The following LEPR variants were observed in gnomAD, a reference collection of about 807,000 sequenced individuals.
LEPR encodes the protein OB receptor.
LEPR carries 56 observed loss-of-function variants against 114.7 expected under a neutral mutation model. That is an observed-to-expected ratio of 0.49 (90% CI 0.39 to 0.61). The LOEUF (loss-of-function observed/expected upper bound fraction) is 0.61, where lower values mean the gene tolerates loss of function less well. Among genes scored for constraint, LEPR ranks in the 20% least tolerant of loss-of-function variants. The probability of loss-of-function intolerance (pLI) is 0.00; values close to 1 mark genes in which losing one functional copy is unlikely to be tolerated. For missense variants in LEPR, 1,202 were observed against 1,352.9 expected (o/e 0.89, Z 1.75); for synonymous variants, 443 against 461.4 (o/e 0.96, Z 0.51).
At chr1:65,428,558 C>T (rs1646424360) in intron 2 of LEPR, among the ~76,000 whole-genome samples, 1 of 152,154 alleles carries the variant, frequency 6.6e-6, no homozygotes, top group Non-Finnish European at 1.5e-5. Flanking sequence ...TTGAAGGACA[C>T]ATTCCCTTCT....
chr1:65,439,855 C>T (rs1401721171), intron 2 of LEPR, among the ~76,000 whole-genome samples: 2 of 136,090 alleles, frequency 1.5e-5, no homozygotes, highest in African/African-American at 2.8e-5. Flanking sequence ...AAAAGCTGGG[C>T]GCAGTGGCGT....
rs981585388 is a variant in LEPR at position 65,639,708 on chromosome 1, A to C, written c.*2693A>C. On this transcript the variant is annotated 3_prime_UTR_variant, in exon 20 of 20. Transcript: ENST00000349533. ...TAAACCGAAACACAAGCTACTAATC[A>C]GTCTTTCTAAATCTGACCTTCATTG... 1.3e-5 allele frequency: 2 copies of C among 152,204 alleles called. No individual in the cohort carries two copies. The highest frequency in any genetic ancestry group is 2.4e-5 in the African/African-American group (1 of 41,452). 9.4% of individuals were successfully genotyped at this position (152,204 alleles called of 1,614,324 possible). A position where few individuals can be genotyped will look rare whatever the true frequency, so the allele number is the denominator to read the frequency against.
Position 65,618,140 on chromosome 1 carries a change from A to G in LEPR, c.2389A>G (p.Ile797Val), listed in dbSNP as rs1210468139. The change falls in exon 16 of 20, where the codon ATC becomes GTC. Residue 797 changes from isoleucine to valine, a missense_variant. Transcript: ENST00000349533. ...CTCTTCATCTGTTAAGAAGTATTAT[A>G]TCCATGGTAAGTTTACTATACTTTA... is the stretch of plus-strand genomic sequence containing the variant. ...RISSSVKKYY[I>V]HDHFIPIEKY... 1.9e-6 allele frequency: 3 copies of G among 1,604,858 alleles called. No homozygotes were observed. The highest frequency in any genetic ancestry group is 2.7e-5 in the African/African-American group (2 of 74,758).
chr1:65,560,012 T>C (rs1372832771), intron 2 of LEPR, among the ~76,000 whole-genome samples: 7 of 146,452 alleles, frequency 4.8e-5, no homozygotes, highest in Non-Finnish European at 1.1e-4. Context: ...TCTTTTGGCT[T>C]AGGATTGACT....
At chr1:65,617,824 T>G in intron 15 of LEPR, 140 bp from the exon 16 acceptor site, 1 of 784,126 alleles carries the variant, frequency 1.3e-6, no homozygotes. Flanking sequence ...CAAAAGTAAT[T>G]GTCATGTATC....
At chr1:65,581,454 T>C (rs1168745137) in intron 5 of LEPR, among the ~76,000 whole-genome samples, 4 of 152,076 alleles carry the variant, frequency 2.6e-5, no homozygotes, top group Non-Finnish European at 5.9e-5. Context: ...AAAGGCTTTT[T>C]TTTTTTTTCC....
At chr1:65,599,989 A>C (rs1656334024) in intron 8 of LEPR, among the ~76,000 whole-genome samples, 1 of 152,150 alleles carries the variant, frequency 6.6e-6, no homozygotes, top group African/African-American at 2.4e-5. Context: ...ATGTAAAAAT[A>C]CTATGACTTT....
intron 2 of LEPR, chr1:65,525,614 C>G (rs1037069580): frequency 1.3e-5 from 13 of 985,590 alleles, no homozygotes; most frequent in Middle Eastern, 5.2e-4. Flanking sequence ...CTTCTCCCCA[C>G]CCCAGCCTGC....
At chr1:65,569,777 A>G (rs1245561658) in intron 3 of LEPR, among the ~76,000 whole-genome samples, 3 of 150,986 alleles carry the variant, frequency 2.0e-5, no homozygotes, top group African/African-American at 7.3e-5. Context: ...ACAGGATTAT[A>G]TAATTGTTCT....
intron 5 of LEPR, among the ~76,000 whole-genome samples, chr1:65,587,509 C>G (rs12042884): frequency 0.3 from 45,693 of 151,922 alleles, 7,786 homozygotes; most frequent in East Asian, 0.83. Flanking sequence ...TATTCACACC[C>G]TTGTAAACAT....
chr1:65,545,344 A>T (rs2100683679), intron 2 of LEPR, among the ~76,000 whole-genome samples: 1 of 152,224 alleles, frequency 6.6e-6, no homozygotes, highest in East Asian at 1.9e-4. Flanking sequence ...GCGGGGTCAA[A>T]TGGTATTTCT....
At chr1:65,549,941 G>GT (rs1652159812) in intron 2 of LEPR, among the ~76,000 whole-genome samples, 1 of 152,066 alleles carries the variant, frequency 6.6e-6, no homozygotes, top group African/African-American at 2.4e-5. Flanking sequence ...CATCTTTGTG[G>GT]TTTTATCTAC....
chr1:65,510,189 AT>A (rs1648959035), intron 2 of LEPR, among the ~76,000 whole-genome samples: 1 of 152,192 alleles, frequency 6.6e-6, no homozygotes, highest in African/African-American at 2.4e-5. Flanking sequence ...CCCGAAGACC[AT>A]CTACATATCT....
At chr1:65,503,408 G>C (rs987258123) in intron 2 of LEPR, among the ~76,000 whole-genome samples, 1 of 152,172 alleles carries the variant, frequency 6.6e-6, no homozygotes, top group African/African-American at 2.4e-5. Context: ...CCTCACTGAA[G>C]GGACTGGCAG....
At chr1:65,453,810 G>A (rs896747316) in intron 2 of LEPR, among the ~76,000 whole-genome samples, 6 of 152,098 alleles carry the variant, frequency 3.9e-5, no homozygotes, top group Admixed American at 3.3e-4. Context: ...GCTTGGTGCA[G>A]AGCTGAGTTC....
At chr1:65,432,864 C>T in intron 2 of LEPR, 1 of 737,602 alleles carries the variant, frequency 1.4e-6, no homozygotes, top group East Asian at 1.3e-4. Flanking sequence ...TTAGTGTAAT[C>T]ATTCCACCTT....
Position 65,596,517 on chromosome 1 carries a change from C to G in LEPR, c.773C>G (p.Ser258Cys), listed in dbSNP as rs1656074817. ...GATGGTAATTTAAAGATTTCTTGGT[C>G]CAGCCCACCATTGGTACCATTTCCA... The part of the protein sequence containing the change: ...TDDGNLKISW[S>C]SPPLVPFPLQ... The change falls in exon 7 of 20, where the codon TCC (serine) becomes TGC (cysteine). Residue 258 changes from serine to cysteine, a missense_variant. Physicochemically the swap from Ser to Cys is moderately radical, Grantham distance 112. Transcript: ENST00000349533. 1 of 1,612,730 alleles carries G rather than the reference C, an allele frequency of 6.2e-7. No individual in the cohort carries two copies. Among genetic ancestry groups the G allele is most frequent in the East Asian group, 2.2e-5 (1 of 44,778 alleles).
chr1:65,559,614 A>T (rs1252813266), intron 2 of LEPR, among the ~76,000 whole-genome samples: 2 of 90,510 alleles, frequency 2.2e-5, no homozygotes, highest in South Asian at 4.9e-4. Flanking sequence ...TTTGGACATG[A>T]AGTCCTTGCC....
At chr1:65,534,315 C>A (rs984315459) in intron 2 of LEPR, among the ~76,000 whole-genome samples, 1 of 152,044 alleles carries the variant, frequency 6.6e-6, no homozygotes, top group Non-Finnish European at 1.5e-5. Context: ...CTTAAGTTAT[C>A]GAAGTTGAAA....
Sources: allele counts gnomAD v4.1 joint callset (sites outside exome capture counted in the v4.1 genomes callset), GRCh38; gene constraint gnomAD v4.1.1; transcripts MANE v1.5; gene names NCBI Gene and HGNC (gene_info 2026-07-23, HGNC 2026-07-21).